The following PDE4D variants were observed in gnomAD, a reference collection of about 807,000 sequenced individuals.
PDE4D encodes the protein 3',5'-cyclic-AMP phosphodiesterase 4D.
In PDE4D, 24 loss-of-function variants were observed where a neutral mutation model predicts 87.4. That is an observed-to-expected ratio of 0.27 (90% CI 0.20 to 0.39). The LOEUF is 0.39. PDE4D is among the 10% of genes least tolerant of loss of function. PDE4D has a pLI of 1.00. For synonymous variants in PDE4D, 384 were observed against 383.2 expected (o/e 1.00, Z -0.02); for missense variants, 714 against 1,041.0 (o/e 0.69, Z 4.32).
intron 1 of PDE4D, among the ~76,000 whole-genome samples, chr5:59,350,701 C>T (rs1023283505): frequency 6.6e-6 from 1 of 152,146 alleles, no homozygotes; most frequent in African/African-American, 2.4e-5. Context: ...TTAATAATAG[C>T]TGACATTTAT....
At chr5:59,564,337 T>C (rs1820539616) in intron 1 of PDE4D, among the ~76,000 whole-genome samples, 1 of 152,214 alleles carries the variant, frequency 6.6e-6, no homozygotes. Context: ...AAAACTTCTA[T>C]GAGCTCAGTT....
chr5:59,687,099 C>T (rs1486121237), intron 1 of PDE4D, among the ~76,000 whole-genome samples: 2 of 152,078 alleles, frequency 1.3e-5, no homozygotes, highest in Non-Finnish European at 2.9e-5. Context: ...ACAAGAAATA[C>T]TCAGCACCTC....
chr5:59,412,934 T>C (rs1792943911), intron 1 of PDE4D, among the ~76,000 whole-genome samples: 1 of 152,230 alleles, frequency 6.6e-6, no homozygotes, highest in Non-Finnish European at 1.5e-5. Context: ...TATCTTGGCA[T>C]TGCTGGTACT....
intron 1 of PDE4D, among the ~76,000 whole-genome samples, chr5:59,277,810 G>T (rs570489108): frequency 5.9e-5 from 9 of 152,290 alleles, no homozygotes; most frequent in Admixed American, 5.2e-4. Flanking sequence ...GTTTAGTGCA[G>T]CCCCATGTGC....
At chr5:60,262,124 C>T (rs1228471672) in intron 1 of PDE4D, among the ~76,000 whole-genome samples, 1 of 152,112 alleles carries the variant, frequency 6.6e-6, no homozygotes, top group East Asian at 1.9e-4. Context: ...AGCCTACTAT[C>T]ACCTGGATTT....
intron 1 of PDE4D, among the ~76,000 whole-genome samples, chr5:59,581,571 C>T (rs1824157880): frequency 6.6e-6 from 1 of 152,182 alleles, no homozygotes; most frequent in Admixed American, 6.5e-5. Context: ...GATGTAACCT[C>T]ACAGCGATTT....
At chr5:59,171,001 C>G (rs1408964533) in intron 5 of PDE4D, among the ~76,000 whole-genome samples, 1 of 151,868 alleles carries the variant, frequency 6.6e-6, no homozygotes, top group Non-Finnish European at 1.5e-5. Context: ...CCTGCCTCAG[C>G]CTCCAGAGTA....
At chr5:60,390,754 G>A (rs1037432416) in intron 1 of PDE4D, among the ~76,000 whole-genome samples, 1 of 151,974 alleles carries the variant, frequency 6.6e-6, no homozygotes, top group Non-Finnish European at 1.5e-5. Flanking sequence ...CACCTTGGAA[G>A]TTTTACCTAC....
chr5:60,216,715 T>C (rs1023825746), intron 1 of PDE4D, among the ~76,000 whole-genome samples: 1 of 152,230 alleles, frequency 6.6e-6, no homozygotes, highest in African/African-American at 2.4e-5. Context: ...TATTACATAT[T>C]AGTAACAGTT....
At chr5:59,441,137 C>T (rs920050730) in intron 1 of PDE4D, among the ~76,000 whole-genome samples, 3 of 152,294 alleles carry the variant, frequency 2.0e-5, no homozygotes, top group African/African-American at 4.8e-5. Flanking sequence ...CTCTGTCACC[C>T]AGGCAGAAGT....
chr5:59,608,784 T>C (rs1398200734), intron 1 of PDE4D, among the ~76,000 whole-genome samples: 2 of 152,076 alleles, frequency 1.3e-5, no homozygotes, highest in African/African-American at 4.8e-5. Flanking sequence ...TATCCCAGGA[T>C]TGGTTATCAG....
chr5:60,495,832 A>G (rs1749786219), intron 1 of PDE4D, among the ~76,000 whole-genome samples: 1 of 152,228 alleles, frequency 6.6e-6, no homozygotes, highest in Non-Finnish European at 1.5e-5. Flanking sequence ...AAAAGATTAC[A>G]CAGGGGTATC....
chr5:59,057,175 A>G (rs573117031), intron 5 of PDE4D, among the ~76,000 whole-genome samples: 1 of 152,284 alleles, frequency 6.6e-6, no homozygotes, highest in South Asian at 2.1e-4. Context: ...TGCAGAAACA[A>G]GGCTGGCAGA....
chr5:60,172,513 C>G (rs1399339682), intron 2 of PDE4D, among the ~76,000 whole-genome samples: 2 of 152,036 alleles, frequency 1.3e-5, no homozygotes, highest in Non-Finnish European at 2.9e-5. Flanking sequence ...TTCACTCTGC[C>G]CCTGCTACCT....
intron 1 of PDE4D, among the ~76,000 whole-genome samples, chr5:59,805,302 C>T (rs975379438): frequency 7.9e-5 from 12 of 152,108 alleles, no homozygotes; most frequent in African/African-American, 2.9e-4. Flanking sequence ...CCACCCCACC[C>T]CTAAAGTTAG....
At chr5:59,954,476 A>G (rs1336429691) in intron 3 of PDE4D, among the ~76,000 whole-genome samples, 3 of 152,090 alleles carry the variant, frequency 2.0e-5, no homozygotes, top group Admixed American at 6.5e-5. Context: ...GTGTGTTTAC[A>G]TGGAAGATTT....
intron 1 of PDE4D, among the ~76,000 whole-genome samples, chr5:59,262,421 G>A (rs1459056444): frequency 6.6e-6 from 1 of 151,808 alleles, no homozygotes; most frequent in African/African-American, 2.4e-5. Context: ...CATTATTAAG[G>A]ATTAAGCCTT....
Position 58,989,892 on chromosome 5 carries a change from T to G in PDE4D, c.1315A>C (p.Ile439Leu). 6.5e-7 allele frequency: 1 copy of G among 1,532,986 alleles called. No individual in the cohort carries two copies. Among genetic ancestry groups the G allele is most frequent in the Non-Finnish European group, 9.0e-7 (1 of 1,113,564 alleles). 95.0% of individuals were successfully genotyped at this position (1,532,986 alleles called of 1,614,324 possible). The part of the protein sequence containing the change: ...QERDLLKTFK[I>L]PVDTLITYLM... ...TATGTAATTAAAGTATCTACTGGAA[T>G]TTTAAATGTTTTTAATAAATCCCGT... is the stretch of plus-strand genomic sequence containing the variant. The change falls in exon 10 of 15, where the codon ATT (isoleucine) becomes CTT (leucine). Residue 439 changes from isoleucine to leucine, a missense_variant. By Grantham distance (5) the Ile-to-Leu change is conservative (BLOSUM62 2). Coordinates refer to ENST00000340635, the MANE Select transcript of PDE4D (RefSeq NM_001104631.2).
At chr5:59,216,088 T>C in intron 1 of PDE4D, 120 bp from the exon 2 acceptor site, 1 of 658,144 alleles carries the variant, frequency 1.5e-6, no homozygotes, top group Non-Finnish European at 2.6e-6. Context: ...AAATTACAGC[T>C]AATTTCTGCC....
Sources: gnomAD v4.1 joint callset for allele counts (sites outside exome capture counted in the v4.1 genomes callset) on GRCh38, gnomAD v4.1.1 for gene constraint, MANE v1.5 for transcripts, NCBI Gene and HGNC (gene_info 2026-07-23, HGNC 2026-07-21) for gene names.